Variants in CADPS2 observed in about 807,000 individuals in gnomAD.
CADPS2 encodes calcium dependent secretion activator 2.
Under a neutral mutation model 172.5 loss-of-function variants are expected in CADPS2, and 93 were observed. The observed-to-expected ratio is 0.54, with a 90% CI of 0.46 to 0.64. The LOEUF is 0.64. Ranked by LOEUF, CADPS2 falls within the 30% of genes least tolerant of loss-of-function variation. The pLI is 0.00. For synonymous variants in CADPS2, 546 were observed against 555.2 expected (o/e 0.98, Z 0.23); for missense variants, 1,420 against 1,565.9 (o/e 0.91, Z 1.57).
intron 9 of CADPS2, among the ~76,000 whole-genome samples, chr7:122,512,585 C>A (rs185480619): frequency 1.3e-5 from 2 of 152,188 alleles, no homozygotes; most frequent in Admixed American, 1.3e-4. Flanking sequence ...AGCAAATACA[C>A]ACCAGTCAAG....
At position 122,886,178 on chromosome 7, in the gene CADPS2, C is replaced by G. The variant is rs1047108085; in HGVS notation, c.160G>C (p.Ala54Pro). The G allele has an allele frequency of 4.7e-6, 7 of 1,479,150 alleles. No homozygotes were observed. The African/African-American group carries it at 1.0e-4, about 22-fold the overall frequency. The allele number at this position is 1,479,150 out of a possible 1,614,324, so 91.6% of individuals were successfully genotyped here. ...GAGGGGCTCGGGCTCACAGATCTGG[C>G]CGCGCCGCCGCCGCCCGCGCGCCCC... ...APGRAGGGGA[A>P]RSVSPSPSVL... The change falls in exon 1 of 30, where the codon GCC becomes CCC. Residue 54 changes from alanine (A) to proline (P), a missense_variant. By Grantham distance (27) the Ala-to-Pro change is conservative. Transcript: ENST00000449022.
chr7:122,393,666 TGA>T (rs2044691426), intron 20 of CADPS2, 84 bp from the exon 21 acceptor site: 10 of 1,386,482 alleles, frequency 7.2e-6, no homozygotes, highest in East Asian at 7.1e-5. Context: ...ACACGTTTTC[TGA>T]GAGAGTCTGA....
At chr7:122,551,684 C>G (rs1392046635) in intron 8 of CADPS2, among the ~76,000 whole-genome samples, 2 of 152,048 alleles carry the variant, frequency 1.3e-5, no homozygotes, top group East Asian at 3.9e-4. Context: ...CTATCTGTAA[C>G]AGGAGTTTGC....
At chr7:122,412,642 G>C (rs1409046848) in intron 19 of CADPS2, among the ~76,000 whole-genome samples, 1 of 152,180 alleles carries the variant, frequency 6.6e-6, no homozygotes, top group Non-Finnish European at 1.5e-5. Context: ...ACGGTGGAAT[G>C]GATTTGGTGG....
chr7:122,754,875 C>T (rs2093095461), intron 1 of CADPS2, among the ~76,000 whole-genome samples: 1 of 152,128 alleles, frequency 6.6e-6, no homozygotes, highest in Non-Finnish European at 1.5e-5. Flanking sequence ...CTCAGTATCT[C>T]CTGATGCTAC....
chr7:122,395,613 C>T (rs2044987123), intron 20 of CADPS2: 1 of 152,038 alleles, frequency 6.6e-6, no homozygotes, highest in Non-Finnish European at 1.5e-5. Flanking sequence ...TCACTCAAAC[C>T]ATCTAATTCA....
chr7:122,632,216 T>C (rs1307204736), intron 3 of CADPS2, among the ~76,000 whole-genome samples: 1 of 152,192 alleles, frequency 6.6e-6, no homozygotes, highest in African/African-American at 2.4e-5. Flanking sequence ...TTTGGGTACA[T>C]ACCCAGTAGT....
intron 3 of CADPS2, among the ~76,000 whole-genome samples, chr7:122,642,283 A>AG (rs1203185325): frequency 3.3e-5 from 5 of 149,810 alleles, no homozygotes; most frequent in Non-Finnish European, 5.9e-5. Context: ...CCATCTCAAA[A>AG]AAAAAAAAAA....
intron 2 of CADPS2, among the ~76,000 whole-genome samples, chr7:122,687,143 A>G (rs1478866918): frequency 6.6e-6 from 1 of 152,258 alleles, no homozygotes; most frequent in African/African-American, 2.4e-5. Context: ...ACTAGCTCCA[A>G]TATCAGTACT....
chr7:122,874,318 A>C (rs1289989866), intron 1 of CADPS2, among the ~76,000 whole-genome samples: 1 of 152,118 alleles, frequency 6.6e-6, no homozygotes, highest in Non-Finnish European at 1.5e-5. Flanking sequence ...TAGGAATACA[A>C]CTTACAAGGG....
At chr7:122,818,427 C>A (rs889401381) in intron 1 of CADPS2, among the ~76,000 whole-genome samples, 10 of 152,116 alleles carry the variant, frequency 6.6e-5, no homozygotes, top group African/African-American at 1.7e-4. Flanking sequence ...GACGTCCAGG[C>A]ATTCTTTTAC....
At chr7:122,461,603 T>C (rs564443151) in intron 14 of CADPS2, among the ~76,000 whole-genome samples, 1 of 151,566 alleles carries the variant, frequency 6.6e-6, no homozygotes, top group Non-Finnish European at 1.5e-5. Context: ...TGTTGTTTTG[T>C]TTTGTTTTTT....
intron 3 of CADPS2, among the ~76,000 whole-genome samples, chr7:122,662,340 A>G (rs1212173996): frequency 6.6e-6 from 1 of 151,844 alleles, no homozygotes; most frequent in Non-Finnish European, 1.5e-5. Context: ...TAAAAAATGA[A>G]AAATGTGAAA....
At chr7:122,819,686 T>C (rs958568934) in intron 1 of CADPS2, among the ~76,000 whole-genome samples, 4 of 151,846 alleles carry the variant, frequency 2.6e-5, no homozygotes, top group Non-Finnish European at 4.4e-5. Flanking sequence ...CTTATTAGGC[T>C]GAGACACTTT....
chr7:122,775,240 A>G (rs1218158169), intron 1 of CADPS2, among the ~76,000 whole-genome samples: 3 of 152,216 alleles, frequency 2.0e-5, no homozygotes, highest in Non-Finnish European at 4.4e-5. Context: ...AAAGTCTTAG[A>G]CTATTTGCAA....
intron 14 of CADPS2, among the ~76,000 whole-genome samples, chr7:122,457,774 T>C (rs775601434): frequency 8.5e-5 from 13 of 152,212 alleles, no homozygotes; most frequent in Non-Finnish European, 1.5e-5. Context: ...GCACAGCTTT[T>C]AGATATGTGA....
rs778963218 is a variant in CADPS2 at position 122,637,208 on chromosome 7, T to TTTTTTCTC, written c.787-7881_787-7880insGAGAAAAA. 2.9e-4 allele frequency among the ~76,000 whole-genome samples: 18 copies of TTTTTTCTC among 62,694 alleles called. 3 individuals are homozygous for TTTTTTCTC. The highest frequency in any genetic ancestry group is 1.4e-3 in the East Asian group (2 of 1,450). 41.1% of individuals were successfully genotyped at this position (62,694 alleles called of 152,430 possible). On this transcript the variant is annotated intron_variant, in intron 3 of 29. Transcript: ENST00000449022. ...TTTTTTTTTTTTTTTTTTTTTTTTT[T>TTTTTTCTC]CCTGAGACAGGGTCTCACTCTGTGG...
intron 27 of CADPS2, among the ~76,000 whole-genome samples, chr7:122,358,533 A>G (rs1203133765): frequency 2.0e-5 from 3 of 152,044 alleles, no homozygotes; most frequent in Non-Finnish European, 4.4e-5. Context: ...CACCAAATCC[A>G]AGGCCATATA....
intron 2 of CADPS2, among the ~76,000 whole-genome samples, chr7:122,687,875 G>A (rs2083837981): frequency 6.6e-6 from 1 of 152,138 alleles, no homozygotes; most frequent in Non-Finnish European, 1.5e-5. Context: ...TAAATCACAA[G>A]TTAGTACTTA....
Sources: allele counts gnomAD v4.1 joint callset (sites outside exome capture counted in the v4.1 genomes callset), GRCh38; gene constraint gnomAD v4.1.1; transcripts MANE v1.5; gene names NCBI Gene and HGNC (gene_info 2026-07-23, HGNC 2026-07-21).